The following DGAT1 variants were observed in gnomAD, a reference collection of about 807,000 sequenced individuals.
DGAT1 encodes the protein diacylglycerol O-acyltransferase 1.
DGAT1 carries 60 observed loss-of-function variants against 72.6 expected under a neutral mutation model. The observed-to-expected ratio is 0.83, with a 90% CI of 0.67 to 1.02. DGAT1 has a LOEUF of 1.02. Among genes scored for constraint, DGAT1 ranks in the 50% least tolerant of loss-of-function variants. DGAT1 has a pLI of 0.00. For synonymous variants in DGAT1, 290 were observed against 267.5 expected (o/e 1.08, Z -0.82); for missense variants, 592 against 670.0 (o/e 0.88, Z 1.29).
chr8:144,318,001 G>T lies in DGAT1; in HGVS notation c.768C>A (p.Leu256=). 6.6e-7 allele frequency: 1 copy of T among 1,519,066 alleles called. No homozygotes were observed. The highest frequency in any genetic ancestry group is 1.3e-5 in the South Asian group (1 of 75,248). The allele number at this position is 1,519,066 out of a possible 1,614,324, so 94.1% of individuals were successfully genotyped here. Residue 256 remains leucine, a synonymous_variant, in exon 9 of 17, where the codon CTC becomes CTA. Transcript: ENST00000528718. The part of the protein sequence containing the change: ...NLTYRDLYYF[L]FAPTLCYELN... The stretch of plus-strand genomic sequence containing the variant: ...GCTCGTAGCACAAGGTGGGGGCGAA[G>T]AGGAAGTAGTAGAGATCTGGAATGG...
intron 2 of DGAT1, 126 bp downstream of exon 2, chr8:144,321,195 C>T (rs1817446200): frequency 1.1e-6 from 1 of 886,826 alleles, no homozygotes; most frequent in Admixed American, 1.8e-5. Flanking sequence ...CTGCTCCACA[C>T]ACCCCAGCCC....
chr8:144,321,535 G>A (rs2130535674), intron 1 of DGAT1, 127 bp from the exon 2 acceptor site: 1 of 832,356 alleles, frequency 1.2e-6, no homozygotes, highest in South Asian at 1.5e-5. Flanking sequence ...TTACAACCAG[G>A]AGGAGAAGCC....
At chr8:144,324,240 G>C (rs1316866437) in intron 1 of DGAT1, among the ~76,000 whole-genome samples, 2 of 152,168 alleles carry the variant, frequency 1.3e-5, no homozygotes, top group Non-Finnish European at 2.9e-5. Context: ...TCCGTGAGGG[G>C]AGGAGGCCCG....
intron 1 of DGAT1, among the ~76,000 whole-genome samples, chr8:144,322,955 G>A (rs764814174): frequency 6.6e-6 from 1 of 152,154 alleles, no homozygotes; most frequent in Non-Finnish European, 1.5e-5. Context: ...CAACCAGGAG[G>A]CTGGGTGTAG....
rs1817608649 is a variant in DGAT1, at chr8:144,326,823, A to G, written c.-187T>C. 5 of 319,866 alleles carry G rather than the reference A, an allele frequency of 1.6e-5. No individual in the cohort carries two copies. The highest frequency in any genetic ancestry group is 2.0e-5 in the Non-Finnish European group (4 of 201,108). The allele number at this position is 319,866 out of a possible 1,614,324, so 19.8% of individuals were successfully genotyped here. ...CGTCGGGCCCGTCGGCCTCAAGGAC[A>G]ACGGCTGCGTTGCTCCGGAGCCGCT... On this transcript the variant is annotated 5_prime_UTR_variant, in exon 1 of 17. Coordinates refer to ENST00000528718, the MANE Select transcript of DGAT1 (RefSeq NM_012079.6).
intron 2 of DGAT1, among the ~76,000 whole-genome samples, chr8:144,320,891 G>C (rs1554848043): frequency 6.6e-6 from 1 of 152,258 alleles, no homozygotes. Context: ...CTGCCAGAGA[G>C]GCCTTGTGTC....
In DGAT1 at chr8:144,314,590, A is replaced by G. The variant is rs1554846409; in HGVS notation, c.*1964T>C. The G allele has an allele frequency of 3.7e-6, 2 of 542,682 alleles. No individual in the cohort carries two copies. The highest frequency in any genetic ancestry group is 2.9e-5 in the East Asian group (1 of 34,236). 33.6% of individuals were successfully genotyped at this position (542,682 alleles called of 1,614,324 possible). ...CCTGGACTGACCCTGCAGGTTGTTC[A>G]TAGTCAGAATTGTATTTTGGATTTT... On this transcript the variant is annotated 3_prime_UTR_variant, in exon 17 of 17. Transcript: ENST00000528718.
rs1485689718 is a variant in DGAT1 at position 144,318,582 on chromosome 8, G to C, written c.469-16C>G. On this transcript the variant is annotated splice_polypyrimidine_tract_variant and intron_variant, in intron 5 of 16. Coordinates refer to ENST00000528718, the MANE Select transcript of DGAT1 (RefSeq NM_012079.6). ...TCAGGGCACCCTGGAGTGGGGAGCA[G>C]AGCACTCAACCAGGGCTCCCATTGC... 1.2e-6 allele frequency: 2 copies of C among 1,610,116 alleles called. No individual in the cohort carries two copies. Among genetic ancestry groups the C allele is most frequent in the East Asian group, 2.2e-5 (1 of 44,818 alleles).
rs1248981946 is a variant in DGAT1 at position 144,315,776 on chromosome 8, AC to A, written c.*777del. 1.1e-6 allele frequency: 1 copy of A among 951,944 alleles called. No homozygotes were observed. Among genetic ancestry groups the A allele is most frequent in the Non-Finnish European group, 1.3e-6 (1 of 799,494 alleles). The allele number at this position is 951,944 out of a possible 1,614,324, so 59.0% of individuals were successfully genotyped here. A position where few individuals can be genotyped will look rare whatever the true frequency, so the allele number is the denominator to read the frequency against. ...GAGGGCAGCTGAGAGCCACCAGCCC[AC>A]CTGGCTGCCCAGGTTCCAAGTGAAG... On this transcript the variant is annotated 3_prime_UTR_variant, in exon 17 of 17. Coordinates refer to ENST00000528718, the MANE Select transcript of DGAT1 (RefSeq NM_012079.6).
Position 144,318,412 on chromosome 8 carries a change from T to C in DGAT1, c.574+49A>G, listed in dbSNP as rs782558411. The C allele has an allele frequency of 3.9e-5, 62 of 1,589,784 alleles. 1 individual carries two copies. The East Asian group carries it at 1.3e-3, about 34-fold the overall frequency. ...TCCACAGCGCCACAGCCGGAGGCCA[T>C]GCCCGTGGCTGGCCCGAGACAGATG... On this transcript the variant is annotated intron_variant, in intron 6 of 16. Transcript: ENST00000528718.
At chr8:144,318,238 C>T (rs1554847547) in intron 7 of DGAT1, 23 bp downstream of exon 7, 1 of 1,611,590 alleles carries the variant, frequency 6.2e-7, no homozygotes, top group South Asian at 1.1e-5. Flanking sequence ...AGCAGGCAGC[C>T]CCAGCCCCTG....
Position 144,314,986 on chromosome 8 carries a change from C to T in DGAT1, c.*1568G>A, listed in dbSNP as rs145961770. ...CCAGGAACCCCCTTCCCAAGGTGTTCGCACTCGGACAGGTGATGCGGGGCG... is the reference window on the plus strand; with the variant it reads ...CCAGGAACCCCCTTCCCAAGGTGTTTGCACTCGGACAGGTGATGCGGGGCG... On this transcript the variant is annotated 3_prime_UTR_variant, in exon 17 of 17. Coordinates refer to ENST00000528718, the MANE Select transcript of DGAT1 (RefSeq NM_012079.6). 17 of 985,848 alleles carry T rather than the reference C, an allele frequency of 1.7e-5. No homozygotes were observed. Among genetic ancestry groups the T allele is most frequent in the Middle Eastern group, 5.2e-4 (1 of 1,914 alleles). 61.1% of individuals were successfully genotyped at this position (985,848 alleles called of 1,614,324 possible).
chr8:144,314,847 AGCTCCGTGCCT>A lies in DGAT1; in HGVS notation c.*1696_*1706del. On this transcript the variant is annotated 3_prime_UTR_variant, in exon 17 of 17. Coordinates refer to ENST00000528718, the MANE Select transcript of DGAT1 (RefSeq NM_012079.6). ...TGGGGGAAGACGGATGCTTGCAGCT[AGCTCCGTGCCT>A]GCCCGACTCCCCAGGACCAGCATGT... 1 of 948,012 alleles carries A rather than the reference AGCTCCGTGCCT, an allele frequency of 1.1e-6. No individual in the cohort carries two copies. The highest frequency in any genetic ancestry group is 1.1e-4 in the East Asian group (1 of 8,852). 58.7% of individuals were successfully genotyped at this position (948,012 alleles called of 1,614,324 possible).
chr8:144,317,463 G>A lies in DGAT1; in HGVS notation c.982-18C>T. The A allele has an allele frequency of 9.3e-6, 15 of 1,613,702 alleles. No homozygotes were observed. Among genetic ancestry groups the A allele is most frequent in the African/African-American group, 1.3e-5 (1 of 75,032 alleles). ...TTGGGGACCTGGCAGGGAGGTGGGG[G>A]TGGGCACCAAGTTCTAGAACCTTCC... On this transcript the variant is annotated intron_variant, in intron 12 of 16. Transcript: ENST00000528718.
chr8:144,318,343 C>G lies in DGAT1; in HGVS notation c.594G>C (p.Leu198=), dbSNP rs782387717. Residue 198 remains leucine (L), a synonymous_variant, in exon 7 of 17, where the codon CTG becomes CTC. Transcript: ENST00000528718. ...SITPVGSLLA[L]MAHTILFLKL... Reference sequence around the variant, plus strand: ...TGAGGAAGAGGATGGTGTGCGCCATCAGCGCCAGCAGGGAGCCCACTGCAG... The same window carrying G: ...TGAGGAAGAGGATGGTGTGCGCCATGAGCGCCAGCAGGGAGCCCACTGCAG... 10 of 1,611,580 alleles carry G rather than the reference C, an allele frequency of 6.2e-6. No individual in the cohort carries two copies. The South Asian group carries it at 1.1e-4, about 18-fold the overall frequency.
chr8:144,316,316 C>A lies in DGAT1; in HGVS notation c.*238G>T. The A allele has an allele frequency of 1.8e-6, 1 of 570,888 alleles. No homozygotes were observed. Among genetic ancestry groups the A allele is most frequent in the Non-Finnish European group, 3.0e-6 (1 of 329,094 alleles). The allele number at this position is 570,888 out of a possible 1,614,324, so 35.4% of individuals were successfully genotyped here. On this transcript the variant is annotated 3_prime_UTR_variant, in exon 17 of 17. Transcript: ENST00000528718. ...TCACTGGACAGCACTTTATTGACAC[C>A]CTCGGACCCGGGGCAGGGTCAGCAA...
Position 144,318,726 on chromosome 8 carries a change from T to G in DGAT1, c.441A>C (p.Ala147=). 1.2e-6 allele frequency: 2 copies of G among 1,608,312 alleles called. No homozygotes were observed. The highest frequency in any genetic ancestry group is 1.7e-5 in the Admixed American group (1 of 58,996). Residue 147 remains alanine (A), a synonymous_variant, in exon 5 of 17, where the codon GCA becomes GCC. Coordinates refer to ENST00000528718, the MANE Select transcript of DGAT1 (RefSeq NM_012079.6). The part of the protein sequence containing the change: ...VIAANVFAVA[A]FQVEKRLAVG... ...CCGCCAGGCGCTTCTCAACCTGGAATGCAGCCACAGCAAAGACATTGGCCG... is the reference window on the plus strand; with the variant it reads ...CCGCCAGGCGCTTCTCAACCTGGAAGGCAGCCACAGCAAAGACATTGGCCG...
In DGAT1 at chr8:144,315,702, G is replaced by A. The variant is rs1227198412; in HGVS notation, c.*852C>T. On this transcript the variant is annotated 3_prime_UTR_variant, in exon 17 of 17. Coordinates refer to ENST00000528718, the MANE Select transcript of DGAT1 (RefSeq NM_012079.6). The stretch of plus-strand genomic sequence containing the variant: ...TGCACTGCCCAGCCTGGTGCCAGAA[G>A]AGCAGAGGGCAAGGCAGGCCTGGGG... The A allele has an allele frequency of 1.1e-6, 1 of 939,828 alleles. No homozygotes were observed. Among genetic ancestry groups the A allele is most frequent in the Non-Finnish European group, 1.3e-6 (1 of 788,388 alleles). 58.2% of individuals were successfully genotyped at this position (939,828 alleles called of 1,614,324 possible).
At position 144,317,417 on chromosome 8, in the gene DGAT1, A is replaced by AAGATGAGCC; in HGVS notation, c.1001_1009dup (p.Trp334_Ile336dup). Reference sequence around the variant, plus strand: ...GCAGGAGTGGAAGAGCCAGTAGAAGAAGATGAGCCAGATGAGGTGATTGGG... The same window carrying AAGATGAGCC: ...GCAGGAGTGGAAGAGCCAGTAGAAGAAGATGAGCCAGATGAGCCAGATGAGGTGATTGGG... On this transcript the variant is annotated inframe_insertion, in exon 13 of 17. Transcript: ENST00000528718. 2 of 1,613,894 alleles carry AAGATGAGCC rather than the reference A, an allele frequency of 1.2e-6. No homozygotes were observed. Among genetic ancestry groups the AAGATGAGCC allele is most frequent in the Non-Finnish European group, 1.7e-6 (2 of 1,180,000 alleles).
Sources: gnomAD v4.1 joint callset for allele counts (sites outside exome capture counted in the v4.1 genomes callset) on GRCh38, gnomAD v4.1.1 for gene constraint, MANE v1.5 for transcripts, NCBI Gene and HGNC (gene_info 2026-07-23, HGNC 2026-07-21) for gene names.